The following SREK1IP1 variants were observed in gnomAD, a reference collection of about 807,000 sequenced individuals.
SREK1IP1 encodes SREK1 interacting protein 1, also known as protein SREK1IP1.
A neutral mutation model predicts 22.8 loss-of-function variants in SREK1IP1; 12 were observed. That is an observed-to-expected ratio of 0.53 (90% CI 0.34 to 0.85). The LOEUF (loss-of-function observed/expected upper bound fraction) is 0.85, where lower values mean the gene tolerates loss of function less well. Among genes scored for constraint, SREK1IP1 ranks in the 40% least tolerant of loss-of-function variants. The probability of loss-of-function intolerance (pLI) is 0.02; values close to 1 mark genes in which losing one functional copy is unlikely to be tolerated. For missense variants in SREK1IP1, 147 were observed against 171.8 expected (o/e 0.86, Z 0.81); for synonymous variants, 53 against 52.7 (o/e 1.01, Z -0.02).
In SREK1IP1 at chr5:64,757,861, C is replaced by CTTTTTT. The variant is rs59456636; in HGVS notation, c.14-3505_14-3500dup. Among the ~76,000 whole-genome samples the CTTTTTT allele has an allele frequency of 4.0e-4, 29 of 72,962 alleles. 2 individuals are homozygous for CTTTTTT. Among genetic ancestry groups the CTTTTTT allele is most frequent in the African/African-American group, 9.0e-4 (17 of 18,894 alleles). The allele number at this position is 72,962 out of a possible 152,430, so 47.9% of individuals were successfully genotyped here. A position where few individuals can be genotyped will look rare whatever the true frequency, so the allele number is the denominator to read the frequency against. ...GCTACTGTTTCTATTAGGTTCCTAT[C>CTTTTTT]TTTTTTTTTTTTTTTTTTTTTTTTT... On this transcript the variant is annotated intron_variant, in intron 1 of 4. Transcript: ENST00000513458.
intron 1 of SREK1IP1, among the ~76,000 whole-genome samples, chr5:64,762,459 A>C (rs571028283): frequency 6.6e-6 from 1 of 152,286 alleles, no homozygotes; most frequent in African/African-American, 2.4e-5. Flanking sequence ...AACTGCAGCC[A>C]TATTTTATAA....
chr5:64,731,378 G>A (rs1048316593), intron 3 of SREK1IP1, among the ~76,000 whole-genome samples: 1 of 151,976 alleles, frequency 6.6e-6, no homozygotes, highest in Middle Eastern at 3.2e-3. Flanking sequence ...AGCCAGGCAT[G>A]GTGGCACATG....
intron 1 of SREK1IP1, among the ~76,000 whole-genome samples, 190 bp downstream of exon 1, chr5:64,768,315 A>G (rs745502289): frequency 4.6e-5 from 7 of 152,180 alleles, no homozygotes; most frequent in Non-Finnish European, 1.0e-4. Flanking sequence ...GGGGGAAGAT[A>G]GTTATTTTCT....
chr5:64,750,253 C>T (rs766270369), intron 2 of SREK1IP1, among the ~76,000 whole-genome samples: 3 of 152,172 alleles, frequency 2.0e-5, no homozygotes, highest in Non-Finnish European at 4.4e-5. Context: ...TTTCATCCTT[C>T]TAGCTTTTTC....
At chr5:64,738,363 T>C (rs1258357761) in intron 3 of SREK1IP1, among the ~76,000 whole-genome samples, 3 of 152,146 alleles carry the variant, frequency 2.0e-5, no homozygotes, top group East Asian at 1.9e-4. Context: ...CATTTGACAA[T>C]ATATGTGCTC....
intron 3 of SREK1IP1, among the ~76,000 whole-genome samples, chr5:64,733,360 G>A (rs890386557): frequency 4.6e-5 from 7 of 152,058 alleles, no homozygotes; most frequent in African/African-American, 1.7e-4. Context: ...ATATACACAT[G>A]TACCCACATA....
chr5:64,740,496 T>C (rs1053328035), intron 3 of SREK1IP1, among the ~76,000 whole-genome samples: 1 of 152,142 alleles, frequency 6.6e-6, no homozygotes, highest in Admixed American at 6.6e-5. Context: ...ATGTTAATAT[T>C]GATCACAGTG....
chr5:64,757,861 CTTTTTTTTTTTT>C (rs59456636), intron 1 of SREK1IP1, among the ~76,000 whole-genome samples: 52 of 72,962 alleles, frequency 7.1e-4, no homozygotes, highest in African/African-American at 2.4e-3. Context: ...AGGTTCCTAT[CTTTTTTTTTTTT>C]TTTTTTTTTT....
At chr5:64,755,817 A>G (rs1476566716) in intron 1 of SREK1IP1, among the ~76,000 whole-genome samples, 2 of 151,978 alleles carry the variant, frequency 1.3e-5, no homozygotes, top group East Asian at 3.8e-4. Context: ...CCTGTCCCTC[A>G]AATGTAAAAT....
intron 1 of SREK1IP1, among the ~76,000 whole-genome samples, chr5:64,763,860 A>G (rs2112118596): frequency 6.6e-6 from 1 of 152,260 alleles, no homozygotes; most frequent in East Asian, 1.9e-4. Context: ...TGTCACACCT[A>G]TTATCTCAAT....
chr5:64,765,579 C>T (rs1301151538), intron 1 of SREK1IP1, among the ~76,000 whole-genome samples: 1 of 152,148 alleles, frequency 6.6e-6, no homozygotes, highest in African/African-American at 2.4e-5. Flanking sequence ...TTTCTAATGA[C>T]ACTTGCATTG....
chr5:64,757,058 T>A (rs370173165), intron 1 of SREK1IP1, among the ~76,000 whole-genome samples: 1 of 152,198 alleles, frequency 6.6e-6, no homozygotes, highest in Admixed American at 6.5e-5. Context: ...ATTTCTTTGG[T>A]GTTATGAAGT....
intron 2 of SREK1IP1, among the ~76,000 whole-genome samples, chr5:64,752,133 ATT>A (rs1224410806): frequency 1.7e-5 from 2 of 118,972 alleles, no homozygotes; most frequent in East Asian, 2.8e-4. Context: ...TTTTCTGTGA[ATT>A]TTTTTTGTGT....
In SREK1IP1 at chr5:64,768,682, A is replaced by G; in HGVS notation, c.-165T>C. The G allele has an allele frequency of 1.2e-6, 1 of 830,594 alleles. No individual in the cohort carries two copies. The highest frequency in any genetic ancestry group is 1.9e-6 in the Non-Finnish European group (1 of 513,024). 51.5% of individuals were successfully genotyped at this position (830,594 alleles called of 1,614,324 possible). A position where few individuals can be genotyped will look rare whatever the true frequency, so the allele number is the denominator to read the frequency against. The stretch of plus-strand genomic sequence containing the variant: ...CCTGTACGCCTCTAGCGACGGCAGA[A>G]CCAGTAGATGCGGATGCAGTTTCCG... On this transcript the variant is annotated 5_prime_UTR_variant, in exon 1 of 5. Transcript: ENST00000513458.
At position 64,724,470 on chromosome 5, in the gene SREK1IP1, CT is replaced by C. The variant is rs1470980144; in HGVS notation, c.381del (p.Lys129AsnfsTer29). On this transcript the variant is annotated frameshift_variant, in exon 5 of 5. Coordinates refer to ENST00000513458, the MANE Select transcript of SREK1IP1 (RefSeq NM_173829.4). LOFTEE classifies it high-confidence loss of function. ...TTTTTTTCCTTTTTGTGATGTTTCC[CT>C]TTTTTTGATTTACTCTTTTTTTCTT... ...KKKEKKSKSK[K>X]GKHHKKEKKK... The C allele has an allele frequency of 3.8e-6, 6 of 1,590,594 alleles. No individual in the cohort carries two copies. The highest frequency in any genetic ancestry group is 1.8e-5 in the Admixed American group (1 of 54,580).
intron 1 of SREK1IP1, among the ~76,000 whole-genome samples, chr5:64,763,104 T>G (rs1298577160): frequency 6.6e-6 from 1 of 151,944 alleles, no homozygotes; most frequent in African/African-American, 2.4e-5. Context: ...TTCATAATCA[T>G]TTGACTCCAA....
At chr5:64,732,534 T>C (rs896239812) in intron 3 of SREK1IP1, among the ~76,000 whole-genome samples, 3 of 152,046 alleles carry the variant, frequency 2.0e-5, no homozygotes, top group African/African-American at 7.2e-5. Flanking sequence ...AACTACACAG[T>C]GCTGATGAAA....
chr5:64,749,964 C>G (rs2112104274), intron 2 of SREK1IP1, among the ~76,000 whole-genome samples: 1 of 152,214 alleles, frequency 6.6e-6, no homozygotes, highest in East Asian at 1.9e-4. Flanking sequence ...ATTCTCCAGG[C>G]TTCTCAATAT....
chr5:64,749,071 AATAATAAT>A (rs1314547098), intron 2 of SREK1IP1, among the ~76,000 whole-genome samples: 2 of 94,144 alleles, frequency 2.1e-5, no homozygotes, highest in East Asian at 2.1e-4. Context: ...TAATAATAAT[AATAATAAT>A]AATAATAATA....
Sources: allele counts gnomAD v4.1 joint callset (sites outside exome capture counted in the v4.1 genomes callset), GRCh38; gene constraint gnomAD v4.1.1; transcripts MANE v1.5; gene names NCBI Gene and HGNC (gene_info 2026-07-23, HGNC 2026-07-21).